Variants in PTPN18 observed in about 807,000 individuals in gnomAD.
PTPN18 encodes tyrosine-protein phosphatase non-receptor type 18.
In PTPN18, 65 loss-of-function variants were observed where a neutral mutation model predicts 65.4. That is an observed-to-expected ratio of 0.99 (90% confidence interval 0.81 to 1.22). PTPN18 has a LOEUF of 1.22. Ranked by LOEUF, PTPN18 falls within the 50% of genes most tolerant of loss-of-function variation. The pLI, the probability that PTPN18 is intolerant of heterozygous loss-of-function variation, is 0.00. For synonymous variants in PTPN18, 255 were observed against 267.8 expected (o/e 0.95, Z 0.47); for missense variants, 616 against 646.5 (o/e 0.95, Z 0.51).
chr2:130,359,892 A>T, intron 5 of PTPN18: 1 of 555,946 alleles, frequency 1.8e-6, no homozygotes, highest in South Asian at 2.2e-5. Context: ...CCCTATTCTG[A>T]CTGCTTCCCC....
At chr2:130,372,701 T>A in intron 13 of PTPN18, 172 bp from the exon 14 acceptor site, 3 of 972,786 alleles carry the variant, frequency 3.1e-6, no homozygotes, top group East Asian at 2.6e-5. Flanking sequence ...TGGCAATACT[T>A]GTCTTGGCCG....
At chr2:130,359,092 C>T (rs1308324981) in intron 2 of PTPN18, 117 bp downstream of exon 2, 1 of 1,454,348 alleles carries the variant, frequency 6.9e-7, no homozygotes, top group Non-Finnish European at 9.5e-7. Context: ...ACCCTCTGCA[C>T]TGCTCAGCAG....
At chr2:130,361,994 CTT>C (rs59423945) in intron 5 of PTPN18, among the ~76,000 whole-genome samples, 1 of 146,062 alleles carries the variant, frequency 6.8e-6, no homozygotes. Context: ...ATTGTAGGGA[CTT>C]TTTTTTTTTA....
At chr2:130,359,360 G>A (rs1680111225) in intron 3 of PTPN18, 37 bp from the exon 4 acceptor site, 1 of 1,613,950 alleles carries the variant, frequency 6.2e-7, no homozygotes, top group African/African-American at 1.3e-5. Context: ...CCAGGGGTGG[G>A]CCGCAGAATC....
chr2:130,371,057 G>C (rs1432283983), intron 11 of PTPN18, 93 bp downstream of exon 11: 1 of 1,425,034 alleles, frequency 7.0e-7, no homozygotes, highest in East Asian at 2.3e-5. Flanking sequence ...ACTACTGGGA[G>C]CAGGCACTGA....
At chr2:130,372,153 C>A in intron 12 of PTPN18, 104 bp from the exon 13 acceptor site, 1 of 1,141,808 alleles carries the variant, frequency 8.8e-7, no homozygotes, top group Non-Finnish European at 1.2e-6. Flanking sequence ...TAGCGCACCG[C>A]CTCGGCGGGA....
intron 5 of PTPN18, 190 bp downstream of exon 5, chr2:130,359,836 C>T (rs946919008): frequency 1.4e-6 from 1 of 693,608 alleles, no homozygotes; most frequent in Non-Finnish European, 2.4e-6. Flanking sequence ...TTGGCAACCC[C>T]TCTCCTGCTG....
At chr2:130,363,851 G>C (rs56326009) in intron 5 of PTPN18, among the ~76,000 whole-genome samples, 8,555 of 151,946 alleles carry the variant, frequency 0.056, 782 homozygotes, top group African/African-American at 0.19. Context: ...TTTTGAGGAA[G>C]TGCCAAACTG....
In PTPN18 at chr2:130,369,627, T is replaced by C. The variant is rs1680489551; in HGVS notation, c.484-138T>C. The C allele has an allele frequency of 1.3e-5, 12 of 896,766 alleles. No homozygotes were observed. The South Asian group carries it at 1.4e-4, about 10-fold the overall frequency. 55.6% of individuals were successfully genotyped at this position (896,766 alleles called of 1,614,324 possible). ...CCTTAATGAAAGCTTTGGGGAAAGT[T>C]TGGGCTATATGAATTTTTAAAATGT... On this transcript the variant is annotated intron_variant, in intron 6 of 14. Transcript: ENST00000175756.
rs116635962 is a variant in PTPN18, at chr2:130,366,136, G to A, written c.415-2997G>A. Among the ~76,000 whole-genome samples, 410 of 152,230 alleles carry A rather than the reference G, an allele frequency of 2.7e-3. 3 individuals are homozygous for A. Among genetic ancestry groups the A allele is most frequent in the African/African-American group, 8.9e-3 (368 of 41,512 alleles). On this transcript the variant is annotated intron_variant, in intron 5 of 14. Coordinates refer to ENST00000175756, the MANE Select transcript of PTPN18 (RefSeq NM_014369.4). ...GGCCTTCCTGTAAGGTTGACTCTTG[G>A]GTGGCCTCTAGAAACCTAGGTTTCT...
In PTPN18 at chr2:130,374,545, A is replaced by G. The variant is rs966478071; in HGVS notation, c.*1321A>G. On this transcript the variant is annotated 3_prime_UTR_variant, in exon 15 of 15. Coordinates refer to ENST00000175756, the MANE Select transcript of PTPN18 (RefSeq NM_014369.4). ...AAAACATTAAGCGGCTGTTAAAAGA[A>G]ATAAAAGGAGGACACGTCTCTGTGC... 1 of 447,836 alleles carries G rather than the reference A, an allele frequency of 2.2e-6. No homozygotes were observed. Among genetic ancestry groups the G allele is most frequent in the African/African-American group, 2.0e-5 (1 of 49,356 alleles). The allele number at this position is 447,836 out of a possible 1,614,324, so 27.7% of individuals were successfully genotyped here. A position where few individuals can be genotyped will look rare whatever the true frequency, so the allele number is the denominator to read the frequency against.
chr2:130,371,802 G>A (rs1408800517), intron 12 of PTPN18, among the ~76,000 whole-genome samples: 1 of 152,086 alleles, frequency 6.6e-6, no homozygotes, highest in Non-Finnish European at 1.5e-5. Context: ...GCGACAGAGC[G>A]AGATCCTGTC....
In PTPN18 at chr2:130,373,001, G is replaced by A; in HGVS notation, c.1315+54G>A. 1 of 1,604,696 alleles carries A rather than the reference G, an allele frequency of 6.2e-7. No individual in the cohort carries two copies. The highest frequency in any genetic ancestry group is 1.1e-5 in the South Asian group (1 of 90,852). On this transcript the variant is annotated intron_variant, in intron 14 of 14. Transcript: ENST00000175756. The surrounding 1 kb of genome is among the most constrained non-coding windows in gnomAD (Gnocchi z 4.1). ...GACTTTGCTGCTTTGAGTGAACCCA[G>A]GAGTCTGGGGTTGATGGGGCATGGA... is the stretch of plus-strand genomic sequence containing the variant.
chr2:130,369,750 AC>A lies in PTPN18; in HGVS notation c.484-9del. On this transcript the variant is annotated splice_polypyrimidine_tract_variant and intron_variant, in intron 6 of 14. Transcript: ENST00000175756. ...TCTCCTCCCTCTTCTTACTTGCCCCACCCCCCTTACTCAGATAAAGGAGAAG... is the reference window on the plus strand; with the variant it reads ...TCTCCTCCCTCTTCTTACTTGCCCCACCCCCTTACTCAGATAAAGGAGAAG... 6.3e-6 allele frequency: 10 copies of A among 1,576,124 alleles called. No individual in the cohort carries two copies. The highest frequency in any genetic ancestry group is 2.2e-5 in the South Asian group (2 of 89,922).
Position 130,356,145 on chromosome 2 carries a change from A to G in PTPN18, c.38A>G (p.Glu13Gly), listed in dbSNP as rs1679959363. The change falls in exon 1 of 15, where the codon GAG (glutamate) becomes GGG (glycine). Residue 13 changes from glutamate to glycine, a missense_variant. Transcript: ENST00000175756. ...RSLDSARSFL[E>G]RLEARGGREG... ...CTGGACTCGGCGCGGAGCTTCCTGG[A>G]GCGGCTGGAAGCGCGGGGCGGCCGG... 5 of 1,310,794 alleles carry G rather than the reference A, an allele frequency of 3.8e-6. No homozygotes were observed. Among genetic ancestry groups the G allele is most frequent in the African/African-American group, 1.5e-5 (1 of 64,594 alleles). 81.2% of individuals were successfully genotyped at this position (1,310,794 alleles called of 1,614,324 possible).
chr2:130,362,728 A>G (rs1680257346), intron 5 of PTPN18, among the ~76,000 whole-genome samples: 1 of 152,160 alleles, frequency 6.6e-6, no homozygotes, highest in South Asian at 2.1e-4. Flanking sequence ...AGCTTTATTG[A>G]TATACAATTC....
chr2:130,369,714 A>G (rs1289423603), intron 6 of PTPN18, 51 bp from the exon 7 acceptor site: 1 of 1,499,240 alleles, frequency 6.7e-7, no homozygotes, highest in Admixed American at 1.7e-5. Flanking sequence ...TCTGGTACCT[A>G]TGATCTTTGT....
In PTPN18 at chr2:130,361,566, C is replaced by CTTT. The variant is rs1281628439; in HGVS notation, c.414+1920_414+1921insTTT. 6.9e-4 allele frequency among the ~76,000 whole-genome samples: 46 copies of CTTT among 67,102 alleles called. No individual in the cohort carries two copies. The East Asian group carries it at 0.015, about 22-fold the overall frequency. 44.0% of individuals were successfully genotyped at this position (67,102 alleles called of 152,430 possible). A position where few individuals can be genotyped will look rare whatever the true frequency, so the allele number is the denominator to read the frequency against. On this transcript the variant is annotated intron_variant, in intron 5 of 14. Transcript: ENST00000175756. ...TCTTTCTTTCTTTCTTTCTTTCTTT[C>CTTT]CTTTCTTTCCTTTCTTTCCTTTCTT...
chr2:130,364,671 C>T (rs1012440297), intron 5 of PTPN18, among the ~76,000 whole-genome samples: 2 of 152,204 alleles, frequency 1.3e-5, no homozygotes, highest in African/African-American at 4.8e-5. Context: ...TGGCAGCCGC[C>T]TGTAGTCCCA....
Sources: allele counts gnomAD v4.1 joint callset (sites outside exome capture counted in the v4.1 genomes callset), GRCh38; gene constraint gnomAD v4.1.1; non-coding constraint Gnocchi (gnomAD v3.1); transcripts MANE v1.5; gene names NCBI Gene and HGNC (gene_info 2026-07-23, HGNC 2026-07-21).